The following MAPK10 variants were observed in gnomAD, a reference collection of about 807,000 sequenced individuals.
The protein encoded by MAPK10 is JNK3 alpha protein kinase.
MAPK10 carries 25 observed loss-of-function variants against 59.3 expected under a neutral mutation model. The ratio of observed to expected loss-of-function variants is 0.42; its 90% confidence interval spans 0.31 to 0.59. MAPK10 has a LOEUF of 0.59. MAPK10 is among the 20% of genes least tolerant of loss of function. The probability of loss-of-function intolerance (pLI) is 0.15; values close to 1 mark genes in which losing one functional copy is unlikely to be tolerated. For synonymous variants in MAPK10, 190 were observed against 200.5 expected, an observed-to-expected ratio of 0.95 and a Z score of 0.44; for missense variants, 351 against 568.9, an observed-to-expected ratio of 0.62 and a Z score of 3.90.
chr4:86,454,456 T>C (rs898794889), upstream of MAPK10, among the ~76,000 whole-genome samples: 9 of 152,010 alleles, frequency 5.9e-5, no homozygotes, highest in Admixed American at 1.3e-4. Flanking sequence ...GACACACTTA[T>C]AGAAATGCAA....
chr4:86,432,908 T>C (rs1423368850), intron 1 of MAPK10, among the ~76,000 whole-genome samples: 1 of 152,142 alleles, frequency 6.6e-6, no homozygotes, highest in African/African-American at 2.4e-5. Flanking sequence ...CCAACAAGAA[T>C]AATCCTTAAT....
At chr4:86,432,572 GC>G (rs1298550967) in intron 1 of MAPK10, among the ~76,000 whole-genome samples, 1 of 152,198 alleles carries the variant, frequency 6.6e-6, no homozygotes, top group Non-Finnish European at 1.5e-5. Flanking sequence ...GAGCTACCAT[GC>G]CCAGCCAGGA....
intron 13 of MAPK10, chr4:86,028,793 C>A (rs1366922003): frequency 8.4e-6 from 2 of 238,898 alleles, no homozygotes; most frequent in East Asian, 1.1e-4. Flanking sequence ...GTCACATCAA[C>A]CTTGAGAAGA....
chr4:86,574,134 CTATGAGT>C (rs1191304322), intron 1 of MAPK10, among the ~76,000 whole-genome samples: 4 of 151,888 alleles, frequency 2.6e-5, no homozygotes, highest in African/African-American at 9.7e-5. Context: ...CAATTCCCAC[CTATGAGT>C]GAGAACATGC....
intron 1 of MAPK10, among the ~76,000 whole-genome samples, chr4:86,521,545 T>C (rs1246058775): frequency 6.6e-6 from 1 of 151,994 alleles, no homozygotes; most frequent in African/African-American, 2.4e-5. Flanking sequence ...TATGGCTGCC[T>C]CTGCTGCATC....
chr4:86,428,342 G>C (rs1747580593), intron 1 of MAPK10, among the ~76,000 whole-genome samples: 1 of 151,774 alleles, frequency 6.6e-6, no homozygotes, highest in South Asian at 2.1e-4. Flanking sequence ...TATTTTTTGT[G>C]GAGACAAGGT....
intron 3 of MAPK10, 105 bp downstream of exon 3, chr4:86,194,231 A>G (rs2080728904): frequency 1.2e-6 from 1 of 865,176 alleles, no homozygotes; most frequent in South Asian, 1.5e-5. Flanking sequence ...TACTGTTAAT[A>G]TGATATAAAT....
chr4:86,372,598 G>GAAAA, intron 1 of MAPK10, among the ~76,000 whole-genome samples: 1 of 150,854 alleles, frequency 6.6e-6, no homozygotes, highest in African/African-American at 2.5e-5. Context: ...GAAAAGAAAA[G>GAAAA]GAAAGAAACT....
rs1023504378 is a variant in MAPK10, at chr4:86,548,257, C to T, written c.-263+45653G>A. Among the ~76,000 whole-genome samples the T allele has an allele frequency of 7.2e-5, 11 of 152,060 alleles. No homozygotes were observed. The East Asian group carries it at 1.4e-3, about 19-fold the overall frequency. On this transcript the variant is annotated intron_variant, in intron 1 of 4. Transcript: ENST00000502302. The stretch of plus-strand genomic sequence containing the variant: ...AGCTGTAACACTCACCACAAAGGTC[C>T]GCAGTTTCACTCCTGAGCCAGCGAG...
At chr4:86,038,588 T>C (rs1443289925) in intron 11 of MAPK10, among the ~76,000 whole-genome samples, 4 of 152,192 alleles carry the variant, frequency 2.6e-5, no homozygotes, top group Non-Finnish European at 4.4e-5. Flanking sequence ...CTAGGACTTG[T>C]TAAATTTTCA....
intron 2 of MAPK10, among the ~76,000 whole-genome samples, chr4:86,208,139 C>A (rs986644826): frequency 5.3e-5 from 8 of 152,068 alleles, no homozygotes; most frequent in African/African-American, 1.4e-4. Context: ...GATGTATTCA[C>A]AGCCGAATTC....
chr4:86,345,789 T>C (rs868009642), intron 2 of MAPK10, among the ~76,000 whole-genome samples: 35 of 152,314 alleles, frequency 2.3e-4, no homozygotes, highest in African/African-American at 7.5e-4. Context: ...ATAAAAACTT[T>C]TCCTATATAT....
chr4:86,315,601 C>A (rs1162322602), intron 2 of MAPK10, among the ~76,000 whole-genome samples: 1 of 151,838 alleles, frequency 6.6e-6, no homozygotes, highest in Admixed American at 6.6e-5. Flanking sequence ...ATACTAAACC[C>A]AACAATGTAA....
intron 9 of MAPK10, among the ~76,000 whole-genome samples, chr4:86,078,731 T>C (rs1394794807): frequency 1.3e-5 from 2 of 152,180 alleles, no homozygotes; most frequent in Non-Finnish European, 2.9e-5. Flanking sequence ...GGCTCATGCA[T>C]GTAATCCTAG....
intron 1 of MAPK10, among the ~76,000 whole-genome samples, chr4:86,557,788 T>C (rs2149102963): frequency 6.6e-6 from 1 of 152,192 alleles, no homozygotes; most frequent in Non-Finnish European, 1.5e-5. Flanking sequence ...CCGTATGCCA[T>C]TGGGAGTGCA....
At chr4:86,240,628 A>G (rs1176218075) in intron 2 of MAPK10, among the ~76,000 whole-genome samples, 2 of 151,662 alleles carry the variant, frequency 1.3e-5, no homozygotes, top group African/African-American at 4.9e-5. Flanking sequence ...TGTTGGTTGA[A>G]AGTCTGTTTT....
intron 2 of MAPK10, among the ~76,000 whole-genome samples, chr4:86,196,258 T>G (rs2081285112): frequency 6.6e-6 from 1 of 152,230 alleles, no homozygotes; most frequent in African/African-American, 2.4e-5. Flanking sequence ...ATGATGGTCA[T>G]TCTAACTGGC....
At chr4:86,254,939 A>T (rs1018681130) in intron 2 of MAPK10, among the ~76,000 whole-genome samples, 3 of 152,190 alleles carry the variant, frequency 2.0e-5, no homozygotes, top group Non-Finnish European at 2.9e-5. Context: ...TCAACAGAAG[A>T]TAAGCTAACA....
intron 1 of MAPK10, among the ~76,000 whole-genome samples, chr4:86,517,142 A>G (rs567573029): frequency 1.1e-3 from 170 of 152,156 alleles, no homozygotes; most frequent in South Asian, 3.1e-3. Flanking sequence ...ATTTTGTCAA[A>G]TGCTTTTTCT....
Sources: allele counts gnomAD v4.1 joint callset (sites outside exome capture counted in the v4.1 genomes callset), GRCh38; gene constraint gnomAD v4.1.1; transcripts MANE v1.5; gene names NCBI Gene and HGNC (gene_info 2026-07-23, HGNC 2026-07-21).